The following C21orf58 variants were observed in gnomAD, a reference collection of about 807,000 sequenced individuals.
The protein encoded by C21orf58 is uncharacterized protein C21orf58.
In C21orf58, 34 loss-of-function variants were observed where a neutral mutation model predicts 35.8. That is an observed-to-expected ratio of 0.95 (90% CI 0.72 to 1.26). The LOEUF (loss-of-function observed/expected upper bound fraction) is 1.26, where lower values mean the gene tolerates loss of function less well. C21orf58 is among the 50% of genes most tolerant of loss of function. The probability of loss-of-function intolerance (pLI) is 0.00; values close to 1 mark genes in which losing one functional copy is unlikely to be tolerated. For missense variants in C21orf58, 440 were observed against 414.3 expected, an observed-to-expected ratio of 1.06 and a Z score of -0.54; for synonymous variants, 191 against 175.8, an observed-to-expected ratio of 1.09 and a Z score of -0.68.
chr21:46,314,850 C>T lies in C21orf58; in HGVS notation c.475G>A (p.Ala159Thr). The T allele has an allele frequency of 6.5e-7, 1 of 1,550,344 alleles. No homozygotes were observed. Among genetic ancestry groups the T allele is most frequent in the East Asian group, 2.4e-5 (1 of 40,910 alleles). The change falls in exon 5 of 8, where the codon GCC becomes ACC. Residue 159 changes from alanine to threonine, a missense_variant. Transcript: ENST00000291691. ...CTGCTTGGCCCGCTCCAGGCCTGGG[C>T]CCGAGAGAGCTCGTCCAGGAGGTGT... Reference protein sequence around the residue: ...EQHLLDELSRAQAWSGPSRGA... With the variant: ...EQHLLDELSRTQAWSGPSRGA...
Position 46,322,671 on chromosome 21 carries a change from G to T in C21orf58, c.68C>A (p.Pro23His), listed in dbSNP as rs750788243. 3.8e-6 allele frequency: 6 copies of T among 1,592,620 alleles called. No homozygotes were observed. Among genetic ancestry groups the T allele is most frequent in the South Asian group, 1.1e-5 (1 of 87,614 alleles). ...KPWKLDRQKL[P>H]SPDSGHSLLC... ...AAGACTGTGGCCTGAGTCAGGAGAA[G>T]GAAGTTTCTGGCGGTCGAGCTTCCA... Residue 23 changes from proline (P) to histidine (H), a missense_variant, in exon 1 of 8, where the codon CCT becomes CAT. Coordinates refer to ENST00000291691, the MANE Select transcript of C21orf58 (RefSeq NM_058180.5).
intron 6 of C21orf58, among the ~76,000 whole-genome samples, chr21:46,309,011 C>A (rs1293091605): frequency 6.6e-6 from 1 of 152,158 alleles, no homozygotes; most frequent in Non-Finnish European, 1.5e-5. Context: ...AAATGAATTT[C>A]TTTTCTCTAT....
chr21:46,322,674 A>C lies in C21orf58; in HGVS notation c.65T>G (p.Leu22Arg). 1 of 1,592,322 alleles carries C rather than the reference A, an allele frequency of 6.3e-7. No homozygotes were observed. The change falls in exon 1 of 8, where the codon CTT becomes CGT. Residue 22 changes from leucine to arginine, a missense_variant. Coordinates refer to ENST00000291691, the MANE Select transcript of C21orf58 (RefSeq NM_058180.5). The part of the protein sequence containing the change: ...RKPWKLDRQK[L>R]PSPDSGHSLL... ...ACTGTGGCCTGAGTCAGGAGAAGGA[A>C]GTTTCTGGCGGTCGAGCTTCCACGG...
intron 6 of C21orf58, among the ~76,000 whole-genome samples, chr21:46,310,109 C>T (rs922905977): frequency 9.9e-5 from 15 of 152,212 alleles, no homozygotes; most frequent in African/African-American, 2.4e-4. Flanking sequence ...AAAAGAAACA[C>T]GAGGAAACTT....
At chr21:46,317,870 A>C in intron 2 of C21orf58, 142 bp downstream of exon 2, 1 of 855,370 alleles carries the variant, frequency 1.2e-6, no homozygotes, top group Non-Finnish European at 1.8e-6. Context: ...ACTAAGTCTG[A>C]GGATGGGTCC....
At chr21:46,304,797 G>A (rs575668166) in intron 6 of C21orf58, among the ~76,000 whole-genome samples, 7 of 152,326 alleles carry the variant, frequency 4.6e-5, no homozygotes, top group Non-Finnish European at 1.0e-4. Flanking sequence ...CTGGAATCTT[G>A]AGCGGGGACG....
At chr21:46,320,929 C>T (rs555838874) in intron 1 of C21orf58, 1 of 152,224 alleles carries the variant, frequency 6.6e-6, no homozygotes, top group East Asian at 1.9e-4. Context: ...GCCTGTGTGC[C>T]CACAGCTGTG....
At chr21:46,301,044 A>G (rs999132786), downstream of C21orf58, 3 of 1,024,710 alleles carry the variant, frequency 2.9e-6, no homozygotes, top group Non-Finnish European at 3.6e-6. Context: ...TGTGCAAACC[A>G]GCATGTAGAG....
chr21:46,320,971 G>A (rs935763140), intron 1 of C21orf58: 1 of 152,174 alleles, frequency 6.6e-6, no homozygotes, highest in Non-Finnish European at 1.5e-5. Context: ...ACTAAGAATT[G>A]CCTCCTCGGG....
chr21:46,319,251 G>A (rs76945616), intron 1 of C21orf58: 6,941 of 152,450 alleles, frequency 0.046, 232 homozygotes, highest in Non-Finnish European at 0.067. Flanking sequence ...TGGCCCTGGA[G>A]GGGCTGGATT....
chr21:46,303,745 A>AT lies in C21orf58; in HGVS notation c.722-1170dup, dbSNP rs869177693. The stretch of plus-strand genomic sequence containing the variant: ...TATATATATATATATATATATATAT[A>AT]TTTTTTTTTTTTTTTTTTTTTTTGG... On this transcript the variant is annotated intron_variant, in intron 6 of 7. Coordinates refer to ENST00000291691, the MANE Select transcript of C21orf58 (RefSeq NM_058180.5). 2.0e-3 allele frequency among the ~76,000 whole-genome samples: 48 copies of AT among 23,816 alleles called. 2 individuals carry two copies. The highest frequency in any genetic ancestry group is 3.3e-3 in the African/African-American group (20 of 6,000). The allele number at this position is 23,816 out of a possible 152,430, so 15.6% of individuals were successfully genotyped here.
At chr21:46,322,448 G>A in intron 1 of C21orf58, 191 bp downstream of exon 1, 1 of 985,284 alleles carries the variant, frequency 1.0e-6, no homozygotes, top group Non-Finnish European at 1.2e-6. Context: ...ATTGTAACAC[G>A]TAACAGTTGT....
chr21:46,322,840 G>T lies in C21orf58; in HGVS notation c.-102C>A. ...CTGAGGGCGCGTTTAAGTTGCAGTT[G>T]CTGAGGAGGCTGCAAGGTGAGCTTG... On this transcript the variant is annotated 5_prime_UTR_variant, in exon 1 of 8. Coordinates refer to ENST00000291691, the MANE Select transcript of C21orf58 (RefSeq NM_058180.5). 1.3e-6 allele frequency: 1 copy of T among 748,526 alleles called. No individual in the cohort carries two copies. Among genetic ancestry groups the T allele is most frequent in the Non-Finnish European group, 2.0e-6 (1 of 501,078 alleles). The allele number at this position is 748,526 out of a possible 1,614,324, so 46.4% of individuals were successfully genotyped here. A position where few individuals can be genotyped will look rare whatever the true frequency, so the allele number is the denominator to read the frequency against.
At chr21:46,300,907 A>G (rs905197816), downstream of C21orf58, 6 of 922,364 alleles carry the variant, frequency 6.5e-6, no homozygotes, top group African/African-American at 1.1e-4. Context: ...AAAGTAAAGA[A>G]AAGAAATAGT....
intron 6 of C21orf58, among the ~76,000 whole-genome samples, chr21:46,303,735 ATATATATATATTTTTTTT>A (rs1157071373): frequency 0.029 from 822 of 28,108 alleles, 31 homozygotes; most frequent in Non-Finnish European, 0.046. Context: ...ATATATATAT[ATATATATATATTTTTTTT>A]TTTTTTTTTT....
chr21:46,319,440 T>A (rs1208106766), intron 1 of C21orf58, among the ~76,000 whole-genome samples: 1 of 152,210 alleles, frequency 6.6e-6, no homozygotes, highest in Non-Finnish European at 1.5e-5. Context: ...CTGGTGCTGC[T>A]GGACATGAGC....
chr21:46,313,048 G>A (rs1470050696), intron 5 of C21orf58: 1 of 985,326 alleles, frequency 1.0e-6, no homozygotes, highest in Admixed American at 6.2e-5. Flanking sequence ...TCAGTTCACA[G>A]AAAGGACGGC....
At chr21:46,316,312 C>T (rs1046692361) in intron 3 of C21orf58, among the ~76,000 whole-genome samples, 2 of 152,018 alleles carry the variant, frequency 1.3e-5, no homozygotes, top group Non-Finnish European at 2.9e-5. Flanking sequence ...AAAAGTTGGC[C>T]AGGCATGGTG....
Position 46,301,317 on chromosome 21 carries a change from A to G in C21orf58, c.*682T>C, listed in dbSNP as rs1388249429. Reference sequence around the variant, plus strand: ...TCACCACACCTGGCTAGTTTTTTAAATTTATTTTTTGTAGAGACGGGGTCT... The same window carrying G: ...TCACCACACCTGGCTAGTTTTTTAAGTTTATTTTTTGTAGAGACGGGGTCT... On this transcript the variant is annotated 3_prime_UTR_variant, in exon 8 of 8. Transcript: ENST00000291691. The G allele has an allele frequency of 3.0e-6, 1 of 329,940 alleles. No homozygotes were observed. The allele number at this position is 329,940 out of a possible 1,614,324, so 20.4% of individuals were successfully genotyped here.
Sources: gnomAD v4.1 joint callset for allele counts (sites outside exome capture counted in the v4.1 genomes callset) on GRCh38, gnomAD v4.1.1 for gene constraint, MANE v1.5 for transcripts, NCBI Gene and HGNC (gene_info 2026-07-23, HGNC 2026-07-21) for gene names.